The following RAP1GDS1 variants were observed in gnomAD, a reference collection of about 807,000 sequenced individuals.
RAP1GDS1 encodes the protein Rap1 GTPase-GDP dissociation stimulator 1.
A neutral mutation model predicts 71.1 loss-of-function variants in RAP1GDS1; 35 were observed. The observed-to-expected ratio is 0.49, with a 90% CI of 0.38 to 0.65. RAP1GDS1 has a LOEUF of 0.65. Among genes scored for constraint, RAP1GDS1 ranks in the 30% least tolerant of loss-of-function variants. RAP1GDS1 has a pLI of 0.00. For synonymous variants in RAP1GDS1, 229 were observed against 243.1 expected (o/e 0.94, Z 0.54); for missense variants, 663 against 706.1 (o/e 0.94, Z 0.69).
chr4:98,398,275 GACC>G (rs1255283032), intron 6 of RAP1GDS1, among the ~76,000 whole-genome samples: 1 of 151,836 alleles, frequency 6.6e-6, no homozygotes, highest in African/African-American at 2.4e-5. Context: ...AAGAAGATCA[GACC>G]AAGAGTATTA....
chr4:98,282,417 C>T (rs1725254001), intron 1 of RAP1GDS1, among the ~76,000 whole-genome samples: 2 of 152,236 alleles, frequency 1.3e-5, no homozygotes, highest in South Asian at 2.1e-4. Context: ...ATAGTATTCT[C>T]TGATGGTAGT....
chr4:98,318,997 A>G (rs1330012089), intron 2 of RAP1GDS1, among the ~76,000 whole-genome samples: 4 of 152,186 alleles, frequency 2.6e-5, no homozygotes, highest in African/African-American at 9.7e-5. Flanking sequence ...GGGGGGGGAA[A>G]TGAGGTTCTG....
At chr4:98,265,809 G>GT (rs1304132550) in intron 1 of RAP1GDS1, among the ~76,000 whole-genome samples, 5 of 152,032 alleles carry the variant, frequency 3.3e-5, no homozygotes, top group Admixed American at 3.3e-4. Flanking sequence ...AATAAGGTCT[G>GT]TTTTTTCAGA....
chr4:98,353,943 C>A (rs954052532), intron 4 of RAP1GDS1, among the ~76,000 whole-genome samples: 2 of 152,018 alleles, frequency 1.3e-5, no homozygotes, highest in Admixed American at 1.3e-4. Context: ...TAGACCTCAG[C>A]TGAGTAATAG....
At position 98,416,961 on chromosome 4, in the gene RAP1GDS1, A is replaced by G. The variant is rs1748126636; in HGVS notation, c.907+73A>G. The G allele has an allele frequency of 9.4e-6, 14 of 1,495,776 alleles. No individual in the cohort carries two copies. In the South Asian group the frequency reaches 1.8e-4, roughly 19 times the overall value. 92.7% of individuals were successfully genotyped at this position (1,495,776 alleles called of 1,614,324 possible). A position where few individuals can be genotyped will look rare whatever the true frequency, so the allele number is the denominator to read the frequency against. On this transcript the variant is annotated intron_variant, in intron 8 of 14. Transcript: ENST00000408927. ...TTAAAATTTATTGTCTCTTCTGTAAATACTACCCTAGACATTTTCTCATAT... is the reference window on the plus strand; with the variant it reads ...TTAAAATTTATTGTCTCTTCTGTAAGTACTACCCTAGACATTTTCTCATAT...
chr4:98,285,828 TATAA>T (rs1456912981), intron 1 of RAP1GDS1, among the ~76,000 whole-genome samples: 2 of 128,838 alleles, frequency 1.6e-5, no homozygotes, highest in Non-Finnish European at 3.4e-5. Flanking sequence ...AATAAATAAT[TATAA>T]ATAAATTATA....
At position 98,373,006 on chromosome 4, in the gene RAP1GDS1, A is replaced by G. The variant is rs961594252; in HGVS notation, c.362-6011A>G. Among the ~76,000 whole-genome samples the G allele has an allele frequency of 2.6e-5, 4 of 152,332 alleles. No individual in the cohort carries two copies. In the East Asian group the frequency reaches 7.7e-4, roughly 29 times the overall value. ...TACCTGGCCTGTTTTTACTTTAGAC[A>G]GTCAATTATCTTTTAAAAATAGGAG... On this transcript the variant is annotated intron_variant, in intron 4 of 14. Transcript: ENST00000408927.
At chr4:98,429,670 G>T (rs1055980831) in intron 12 of RAP1GDS1, among the ~76,000 whole-genome samples, 1 of 152,112 alleles carries the variant, frequency 6.6e-6, no homozygotes, top group Non-Finnish European at 1.5e-5. Flanking sequence ...AATCACAAAA[G>T]AATTTCATAA....
chr4:98,360,143 C>A (rs567519666), intron 4 of RAP1GDS1, among the ~76,000 whole-genome samples: 1 of 152,218 alleles, frequency 6.6e-6, no homozygotes, highest in Non-Finnish European at 1.5e-5. Flanking sequence ...CATATTACTG[C>A]TTTTTTCCCC....
chr4:98,418,532 A>G (rs1350718654), intron 9 of RAP1GDS1, 125 bp from the exon 10 acceptor site: 21 of 900,154 alleles, frequency 2.3e-5, no homozygotes, highest in Non-Finnish European at 3.2e-5. Context: ...TGGGAGAAAG[A>G]TTTGGAATTC....
At chr4:98,421,469 A>G in intron 12 of RAP1GDS1, 75 bp downstream of exon 12, 2 of 1,360,812 alleles carry the variant, frequency 1.5e-6, no homozygotes, top group Non-Finnish European at 2.0e-6. Context: ...GTAGGTCCTA[A>G]CAACTGGGAT....
At chr4:98,406,656 CAATT>C (rs1358413919) in intron 7 of RAP1GDS1, among the ~76,000 whole-genome samples, 2 of 151,892 alleles carry the variant, frequency 1.3e-5, no homozygotes, top group African/African-American at 4.8e-5. Context: ...ATGATTAAGA[CAATT>C]GATTTAATGG....
At chr4:98,329,808 A>C (rs1437624260) in intron 2 of RAP1GDS1, among the ~76,000 whole-genome samples, 2 of 151,478 alleles carry the variant, frequency 1.3e-5, no homozygotes, top group Non-Finnish European at 2.9e-5. Flanking sequence ...AAAAAAAAAA[A>C]AAAGTGCCCA....
intron 4 of RAP1GDS1, among the ~76,000 whole-genome samples, chr4:98,355,572 A>C (rs1176283214): frequency 1.3e-5 from 2 of 152,202 alleles, no homozygotes; most frequent in Non-Finnish European, 2.9e-5. Flanking sequence ...TAAAAATTTG[A>C]GAAATTCATA....
At chr4:98,292,861 C>G (rs1159307742) in intron 1 of RAP1GDS1, among the ~76,000 whole-genome samples, 1 of 152,012 alleles carries the variant, frequency 6.6e-6, no homozygotes, top group South Asian at 2.1e-4. Flanking sequence ...GAAAGCATAG[C>G]TTTATAATCC....
At chr4:98,287,128 A>G (rs1726165068) in intron 1 of RAP1GDS1, among the ~76,000 whole-genome samples, 1 of 152,172 alleles carries the variant, frequency 6.6e-6, no homozygotes, top group African/African-American at 2.4e-5. Flanking sequence ...TTTTCACTAT[A>G]GTGAGTAGTA....
At chr4:98,403,572 A>C (rs1243139119) in intron 6 of RAP1GDS1, among the ~76,000 whole-genome samples, 1 of 152,218 alleles carries the variant, frequency 6.6e-6, no homozygotes, top group African/African-American at 2.4e-5. Context: ...TAGAGGTGTC[A>C]AATGGGCAGT....
At chr4:98,363,603 T>G (rs140685574) in intron 4 of RAP1GDS1, among the ~76,000 whole-genome samples, 1 of 151,060 alleles carries the variant, frequency 6.6e-6, no homozygotes, top group African/African-American at 2.4e-5. Context: ...GAGTATTGTG[T>G]GATAAAGTTC....
chr4:98,309,102 G>T (rs942215155), intron 2 of RAP1GDS1, among the ~76,000 whole-genome samples: 3 of 151,984 alleles, frequency 2.0e-5, no homozygotes, highest in African/African-American at 7.2e-5. Flanking sequence ...TTCACATATT[G>T]AGTGCGTGAT....
Sources: allele counts gnomAD v4.1 joint callset (sites outside exome capture counted in the v4.1 genomes callset), GRCh38; gene constraint gnomAD v4.1.1; transcripts MANE v1.5; gene names NCBI Gene and HGNC (gene_info 2026-07-23, HGNC 2026-07-21).